Variants in CCP110 observed in about 807,000 individuals in gnomAD.
CCP110 encodes the protein centriolar coiled-coil protein of 110 kDa.
CCP110 carries 43 observed loss-of-function variants against 105.5 expected under a neutral mutation model. The ratio of observed to expected loss-of-function variants is 0.41; its 90% CI spans 0.32 to 0.53. The LOEUF (loss-of-function observed/expected upper bound fraction) is 0.53, where lower values mean the gene tolerates loss of function less well. Among genes scored for constraint, CCP110 ranks in the 20% least tolerant of loss-of-function variants. The probability of loss-of-function intolerance (pLI) is 0.32; values close to 1 mark genes in which losing one functional copy is unlikely to be tolerated. For synonymous variants in CCP110, 353 were observed against 392.1 expected (o/e 0.90, Z 1.18); for missense variants, 1,016 against 1,189.1 (o/e 0.85, Z 2.14).
Position 19,548,455 on chromosome 16 carries a change from G to A in CCP110, c.2901-60G>A. 9.0e-7 allele frequency: 1 copy of A among 1,109,006 alleles called. No individual in the cohort carries two copies. The highest frequency in any genetic ancestry group is 1.3e-6 in the Non-Finnish European group (1 of 769,664). 68.7% of individuals were successfully genotyped at this position (1,109,006 alleles called of 1,614,324 possible). A position where few individuals can be genotyped will look rare whatever the true frequency, so the allele number is the denominator to read the frequency against. ...TTGATGCAATGTGATTGCTTTCTTT[G>A]AATTTTGAACATTTAGACCTTAATG... is the stretch of plus-strand genomic sequence containing the variant. On this transcript the variant is annotated intron_variant, in intron 13 of 14. Transcript: ENST00000381396. This position sits in a 1 kb window ranked among gnomAD's most constrained non-coding sequence, Gnocchi z 4.1.
chr16:19,542,118 T>C, intron 6 of CCP110, 54 bp downstream of exon 6: 2 of 1,220,054 alleles, frequency 1.6e-6, no homozygotes, highest in Non-Finnish European at 2.3e-6. Context: ...CGGTAAGATA[T>C]TTATTTGGCA....
At chr16:19,543,190 G>A (rs1970349046) in intron 8 of CCP110, among the ~76,000 whole-genome samples, 196 bp downstream of exon 8, 1 of 152,210 alleles carries the variant, frequency 6.6e-6, no homozygotes. Context: ...CGCAGCAAAG[G>A]AATATAAATT....
Position 19,548,543 on chromosome 16 carries a change from G to A in CCP110, c.2929G>A (p.Val977Met), listed in dbSNP as rs1042611389. 4 of 1,549,680 alleles carry A rather than the reference G, an allele frequency of 2.6e-6. No homozygotes were observed. The South Asian group carries it at 3.6e-5, about 14-fold the overall frequency. Residue 977 changes from valine to methionine, a missense_variant, in exon 14 of 15, where the codon GTG becomes ATG. Coordinates refer to ENST00000381396, the Ensembl canonical transcript of CCP110. This position sits in a 1 kb window ranked among gnomAD's most constrained non-coding sequence, Gnocchi z 4.1. ...CCCTAAGACATCAGTGAAGGGGGTT[G>A]TGCAAAATAGACAGAAGCCTTCACA...
Position 19,532,537 on chromosome 16 carries a change from A to G in CCP110, c.263A>G (p.Asn88Ser), listed in dbSNP as rs774698755. 3.3e-5 allele frequency: 53 copies of G among 1,603,032 alleles called. No homozygotes were observed. Among genetic ancestry groups the G allele is most frequent in the Non-Finnish European group, 2.2e-5 (26 of 1,177,020 alleles). ...ACTCGTGTCCAGGAGATTCTTGACA[A>G]TGTTCAGGTGTGTGATTTTAGCTGT... The change falls in exon 3 of 15, where the codon AAT becomes AGT. Residue 88 changes from asparagine (N) to serine (S), a missense_variant. Physicochemically the swap from Asn to Ser is conservative, Grantham distance 46 (BLOSUM62 1). Coordinates refer to ENST00000381396, the Ensembl canonical transcript of CCP110.
chr16:19,540,604 T>G, intron 4 of CCP110, 53 bp from the exon 5 acceptor site: 1 of 1,448,996 alleles, frequency 6.9e-7, no homozygotes, highest in Non-Finnish European at 9.6e-7. Flanking sequence ...GTATAAAATA[T>G]CAGACATTAG....
intron 1 of CCP110, 46 bp from the exon 2 acceptor site, chr16:19,527,821 T>A: frequency 6.7e-7 from 1 of 1,499,518 alleles, no homozygotes; most frequent in Non-Finnish European, 9.1e-7. Flanking sequence ...ATAATTAAGA[T>A]CTGTTTTTCC....
exon 10 of CCP110, chr16:19,545,105 C>T: frequency 2.5e-6 from 4 of 1,605,544 alleles, no homozygotes; most frequent in Non-Finnish European, 3.4e-6. Context: ...TGCGAGCTGC[C>T]TTGTACGGTA....
exon 4 of CCP110, chr16:19,535,975 G>A: frequency 1.2e-6 from 2 of 1,611,412 alleles, no homozygotes; most frequent in South Asian, 2.2e-5. Context: ...ATTTTGATCA[G>A]TGGGAGATGG....
chr16:19,540,325 A>G (rs1208392647), intron 4 of CCP110, among the ~76,000 whole-genome samples: 1 of 152,216 alleles, frequency 6.6e-6, no homozygotes, highest in Non-Finnish European at 1.5e-5. Flanking sequence ...CAAAAAAACA[A>G]ATGATGGTAG....
At chr16:19,547,276 G>A (rs886108683) in intron 12 of CCP110, 1 of 152,158 alleles carries the variant, frequency 6.6e-6, no homozygotes, top group Non-Finnish European at 1.5e-5. Context: ...AAAAAGCCGG[G>A]TATGATGGCG....
chr16:19,539,580 C>A (rs143405353), intron 4 of CCP110, among the ~76,000 whole-genome samples: 2,668 of 151,894 alleles, frequency 0.018, 39 homozygotes, highest in Non-Finnish European at 0.028. Context: ...TCTCGAACTC[C>A]TAGGCTCAGG....
At chr16:19,536,381 T>G in exon 4 of CCP110, 1 of 1,612,626 alleles carries the variant, frequency 6.2e-7, no homozygotes, top group Non-Finnish European at 8.5e-7. Flanking sequence ...GTCAAAGGAA[T>G]ATATAGAAAG....
chr16:19,534,679 A>T (rs1172807015), intron 3 of CCP110, among the ~76,000 whole-genome samples: 1 of 151,908 alleles, frequency 6.6e-6, no homozygotes, highest in Admixed American at 6.6e-5. Context: ...TAGTACCTGG[A>T]AACCTTTTTG....
In CCP110 at chr16:19,536,405, C is replaced by T. The variant is rs775264049; in HGVS notation, c.736C>T (p.Arg246Cys). ...ATATATAGAAAGAGAACAATCTAGA[C>T]GCAGTCTGAGAGGTAGTATCAACAG... The change falls in exon 4 of 15, where the codon CGC becomes TGC. Residue 246 changes from arginine (R) to cysteine (C), a missense_variant. Arg to Cys is a radical substitution (Grantham distance 180, BLOSUM62 -3). Coordinates refer to ENST00000381396, the Ensembl canonical transcript of CCP110. 146 of 1,612,272 alleles carry T rather than the reference C, an allele frequency of 9.1e-5. No homozygotes were observed. The Middle Eastern group carries it at 3.5e-3, about 38-fold the overall frequency.
intron 4 of CCP110, 86 bp from the exon 5 acceptor site, chr16:19,540,571 C>A: frequency 8.7e-7 from 1 of 1,149,404 alleles, no homozygotes. Flanking sequence ...ACTCTCTTGT[C>A]AGAAGGATAA....
chr16:19,552,824 A>C (rs1405134060), exon 15 of CCP110: 1 of 152,214 alleles, frequency 6.6e-6, no homozygotes, highest in East Asian at 1.9e-4. Context: ...TATAGACAGA[A>C]ATAATAAGCC....
intron 8 of CCP110, among the ~76,000 whole-genome samples, chr16:19,543,638 T>C (rs12446928): frequency 0.15 from 23,334 of 152,148 alleles, 1,863 homozygotes; most frequent in Admixed American, 0.2. Context: ...GGGAAGATAT[T>C]GCTAAATTCT....
chr16:19,540,343 T>C (rs926187438), intron 4 of CCP110, among the ~76,000 whole-genome samples: 2 of 152,192 alleles, frequency 1.3e-5, no homozygotes, highest in Admixed American at 1.3e-4. Flanking sequence ...TAGGATGCAG[T>C]TGAGGACCAC....
At position 19,536,558 on chromosome 16, in the gene CCP110, A is replaced by T. The variant is rs2151470565; in HGVS notation, c.889A>T (p.Lys297Ter). The T allele has an allele frequency of 6.2e-7, 1 of 1,614,180 alleles. No homozygotes were observed. Among genetic ancestry groups the T allele is most frequent in the East Asian group, 2.2e-5 (1 of 44,880 alleles). The change falls in exon 4 of 15, where the codon AAA (lysine) becomes TAA (stop). Residue 297 changes from lysine (K) to a stop codon, truncating the protein, a stop_gained. Transcript: ENST00000381396. LOFTEE classifies it high-confidence loss of function. ...TATTCCTGACAAACCAAGCCTTAAT[A>T]AATCAAATGTTCTTCTCCAAGGTGC...
Sources: gnomAD v4.1 joint callset for allele counts (sites outside exome capture counted in the v4.1 genomes callset) on GRCh38, gnomAD v4.1.1 for gene constraint, Gnocchi (gnomAD v3.1) non-coding constraint, MANE v1.5 for transcripts, NCBI Gene and HGNC (gene_info 2026-07-23, HGNC 2026-07-21) for gene names.